The following CEP97 variants were observed in gnomAD, a reference collection of about 807,000 sequenced individuals.
The protein encoded by CEP97 is centrosomal protein 97.
A neutral mutation model predicts 73.1 loss-of-function variants in CEP97; 43 were observed. The observed-to-expected ratio is 0.59, with a 90% confidence interval of 0.46 to 0.76. The LOEUF is 0.76. Among genes scored for constraint, CEP97 ranks in the 30% least tolerant of loss-of-function variants. CEP97 has a pLI of 0.00. For missense variants in CEP97, 939 were observed against 1,014.0 expected (o/e 0.93, Z 1.00); for synonymous variants, 337 against 370.0 (o/e 0.91, Z 1.02).
At chr3:101,751,879 G>A (rs1269492609) in intron 6 of CEP97, among the ~76,000 whole-genome samples, 4 of 152,074 alleles carry the variant, frequency 2.6e-5, no homozygotes, top group Non-Finnish European at 1.5e-5. Flanking sequence ...TTGCCAGTCT[G>A]TGTCTTTTAA....
At chr3:101,736,078 C>G in intron 6 of CEP97, among the ~76,000 whole-genome samples, 1 of 152,312 alleles carries the variant, frequency 6.6e-6, no homozygotes. Context: ...CAAAATCTCC[C>G]GCAAGTTCAA....
At chr3:101,762,269 T>G (rs1316770914) in intron 9 of CEP97, among the ~76,000 whole-genome samples, 6 of 152,306 alleles carry the variant, frequency 3.9e-5, no homozygotes, top group Non-Finnish European at 7.4e-5. Flanking sequence ...AGTTCAAAAT[T>G]AAGGTTTATG....
intron 1 of CEP97, among the ~76,000 whole-genome samples, chr3:101,725,556 G>A (rs1363541079): frequency 6.6e-6 from 1 of 152,160 alleles, no homozygotes; most frequent in Non-Finnish European, 1.5e-5. Context: ...TACAAAGGCT[G>A]TGCACTTTTC....
intron 6 of CEP97, among the ~76,000 whole-genome samples, chr3:101,755,030 A>G (rs1406484792): frequency 6.6e-6 from 1 of 151,678 alleles, no homozygotes; most frequent in Non-Finnish European, 1.5e-5. Context: ...AGTAGCTGAG[A>G]TTACACATGC....
chr3:101,762,577 T>G lies in CEP97; in HGVS notation c.1893+17T>G, dbSNP rs1349477290. 1 of 1,575,230 alleles carries G rather than the reference T, an allele frequency of 6.3e-7. No homozygotes were observed. ...TGGAACCAGGTAAACTCCCTCCTGC[T>G]GATTTACCTCATATATGATCAAATA... is the stretch of plus-strand genomic sequence containing the variant. On this transcript the variant is annotated intron_variant, in intron 10 of 10. Coordinates refer to ENST00000341893, the MANE Select transcript of CEP97 (RefSeq NM_024548.4).
chr3:101,739,829 C>T (rs953674059), intron 6 of CEP97, among the ~76,000 whole-genome samples: 16 of 151,584 alleles, frequency 1.1e-4, no homozygotes, highest in Admixed American at 2.0e-4. Context: ...TGCTTGAACC[C>T]GGGAGGCGTA....
At position 101,724,654 on chromosome 3, in the gene CEP97, G is replaced by C; in HGVS notation, c.-23G>C. ...CAGAGCCGCGGGAGGACGGTTGCCT[G>C]GTATTATTAGCAAGCAGCAAATATG... is the stretch of plus-strand genomic sequence containing the variant. On this transcript the variant is annotated 5_prime_UTR_variant, in exon 1 of 11. Coordinates refer to ENST00000341893, the MANE Select transcript of CEP97 (RefSeq NM_024548.4). 6.2e-7 allele frequency: 1 copy of C among 1,614,070 alleles called. No individual in the cohort carries two copies. The highest frequency in any genetic ancestry group is 8.5e-7 in the Non-Finnish European group (1 of 1,179,920).
At chr3:101,744,597 A>AAC (rs1938559410) in intron 6 of CEP97, among the ~76,000 whole-genome samples, 1 of 151,606 alleles carries the variant, frequency 6.6e-6, no homozygotes, top group Non-Finnish European at 1.5e-5. Context: ...AAAAAAAAAA[A>AAC]AAAGGATAGA....
chr3:101,729,343 A>G (rs1345795309), intron 4 of CEP97, among the ~76,000 whole-genome samples: 1 of 152,118 alleles, frequency 6.6e-6, no homozygotes, highest in Non-Finnish European at 1.5e-5. Context: ...GTCTCAAAAA[A>G]AAAAAAAGGA....
chr3:101,735,114 T>G lies in CEP97; in HGVS notation c.728+2460T>G, dbSNP rs142314340. On this transcript the variant is annotated intron_variant, in intron 6 of 10. Coordinates refer to ENST00000341893, the MANE Select transcript of CEP97 (RefSeq NM_024548.4). Reference sequence around the variant, plus strand: ...CTTAATAAATGATATTATATAAGGATAGAGACTAAAGGTTGAAGAGTTTGT... The same window carrying G: ...CTTAATAAATGATATTATATAAGGAGAGAGACTAAAGGTTGAAGAGTTTGT... Among the ~76,000 whole-genome samples the G allele has an allele frequency of 3.5e-4, 53 of 152,264 alleles. 1 individual carries two copies. Among genetic ancestry groups the G allele is most frequent in the African/African-American group, 1.2e-3 (51 of 41,550 alleles).
In CEP97 at chr3:101,727,371, T is replaced by A; in HGVS notation, c.187-12T>A. Reference sequence around the variant, plus strand: ...TTATTCCTAAAAATAACAATATGTTTCCTTTTTACAGTTATCAGTAGCTAA... The same window carrying A: ...TTATTCCTAAAAATAACAATATGTTACCTTTTTACAGTTATCAGTAGCTAA... On this transcript the variant is annotated splice_polypyrimidine_tract_variant and intron_variant, in intron 2 of 10. Coordinates refer to ENST00000341893, the MANE Select transcript of CEP97 (RefSeq NM_024548.4). The A allele has an allele frequency of 2.5e-6, 4 of 1,600,254 alleles. No homozygotes were observed. The highest frequency in any genetic ancestry group is 3.4e-6 in the Non-Finnish European group (4 of 1,172,778).
intron 5 of CEP97, 106 bp downstream of exon 5, chr3:101,732,059 A>G: frequency 1.4e-6 from 1 of 698,186 alleles, no homozygotes; most frequent in Non-Finnish European, 2.5e-6. Context: ...CTTGGAAGAA[A>G]CTGCCATTCA....
chr3:101,758,324 A>G lies in CEP97; in HGVS notation c.1718A>G (p.Tyr573Cys), dbSNP rs1226744361. 1.2e-5 allele frequency: 20 copies of G among 1,614,218 alleles called. No homozygotes were observed. Among genetic ancestry groups the G allele is most frequent in the Non-Finnish European group, 1.5e-5 (18 of 1,180,040 alleles). ...TKLQACWRGF[Y>C]ARNYNPQAKD... ...CTTCAGGCCTGTTGGCGGGGATTTT[A>G]TGCCAGGAACTACAACCCTCAAGCC... The change falls in exon 9 of 11, where the codon TAT (tyrosine) becomes TGT (cysteine). Residue 573 changes from tyrosine (Y) to cysteine (C), a missense_variant. Tyr to Cys is a radical substitution (Grantham distance 194). Coordinates refer to ENST00000341893, the MANE Select transcript of CEP97 (RefSeq NM_024548.4).
At chr3:101,735,218 T>C (rs1938235586) in intron 6 of CEP97, among the ~76,000 whole-genome samples, 2 of 152,256 alleles carry the variant, frequency 1.3e-5, no homozygotes, top group Non-Finnish European at 2.9e-5. Flanking sequence ...GTTTCTATAC[T>C]GTGGAAATGG....
chr3:101,738,133 G>A (rs528116909), intron 6 of CEP97, among the ~76,000 whole-genome samples: 2 of 151,750 alleles, frequency 1.3e-5, no homozygotes, highest in East Asian at 1.9e-4. Context: ...GGGATCAATG[G>A]AACAAGAAGA....
At position 101,769,240 on chromosome 3, in the gene CEP97, G is replaced by A. The variant is rs1223315156; in HGVS notation, c.*3689G>A. On this transcript the variant is annotated 3_prime_UTR_variant, in exon 11 of 11. Transcript: ENST00000341893. ...ATAAAAATATAAAACGTTTTTCCTCGGGAGTTAAGATGGTAAAAAGAAAAA... is the reference window on the plus strand; with the variant it reads ...ATAAAAATATAAAACGTTTTTCCTCAGGAGTTAAGATGGTAAAAAGAAAAA... 1.3e-5 allele frequency: 2 copies of A among 151,486 alleles called. No individual in the cohort carries two copies. The highest frequency in any genetic ancestry group is 1.5e-5 in the Non-Finnish European group (1 of 67,916). 9.4% of individuals were successfully genotyped at this position (151,486 alleles called of 1,614,324 possible).
chr3:101,746,612 G>A (rs1485246013), intron 6 of CEP97, among the ~76,000 whole-genome samples: 3 of 151,398 alleles, frequency 2.0e-5, no homozygotes, highest in South Asian at 2.1e-4. Flanking sequence ...CAGGACATAG[G>A]CATGGGCAAG....
intron 6 of CEP97, among the ~76,000 whole-genome samples, chr3:101,746,288 C>T (rs1212292498): frequency 6.6e-6 from 1 of 152,120 alleles, no homozygotes; most frequent in African/African-American, 2.4e-5. Flanking sequence ...TACTACAAGG[C>T]TACAGTAACC....
chr3:101,744,691 C>T (rs1020656202), intron 6 of CEP97, among the ~76,000 whole-genome samples: 3 of 151,958 alleles, frequency 2.0e-5, no homozygotes, highest in Non-Finnish European at 4.4e-5. Flanking sequence ...CAACAGTGCT[C>T]CCATGCTTTA....
Sources: allele counts gnomAD v4.1 joint callset (sites outside exome capture counted in the v4.1 genomes callset), GRCh38; gene constraint gnomAD v4.1.1; transcripts MANE v1.5; gene names NCBI Gene and HGNC (gene_info 2026-07-23, HGNC 2026-07-21).